CACNA1B: variants seen among roughly 807,000 people sequenced by gnomAD.
CACNA1B encodes the protein calcium voltage-gated channel subunit alpha1 B, also known as voltage-dependent N-type calcium channel subunit alpha-1B.
Under a neutral mutation model 247.2 loss-of-function variants are expected in CACNA1B, and 70 were observed. The ratio of observed to expected loss-of-function variants is 0.28; its 90% CI spans 0.23 to 0.35. The LOEUF (loss-of-function observed/expected upper bound fraction) is 0.35. Ranked by LOEUF, CACNA1B falls within the 10% of genes least tolerant of loss-of-function variation. CACNA1B has a pLI of 1.00. For missense variants in CACNA1B, 2,367 were observed against 3,197.4 expected (o/e 0.74, Z 6.26); for synonymous variants, 1,231 against 1,294.4 (o/e 0.95, Z 1.05).
chr9:137,894,302 ATTTTTTTTTT>A lies in CACNA1B; in HGVS notation c.530+11432_530+11441del, dbSNP rs56794355. Reference sequence around the variant, plus strand: ...TCGCCGGCACGGGGGTTGTCTCTGTATTTTTTTTTTTTTTTTTTTTTTGATTCTGATAGAT... The same window carrying A: ...TCGCCGGCACGGGGGTTGTCTCTGTATTTTTTTTTTTTGATTCTGATAGAT... On this transcript the variant is annotated intron_variant, in intron 3 of 46. Coordinates refer to ENST00000371372, the MANE Select transcript of CACNA1B (RefSeq NM_000718.4). 5.0e-3 allele frequency among the ~76,000 whole-genome samples: 484 copies of A among 96,082 alleles called. 2 individuals are homozygous for A. Among genetic ancestry groups the A allele is most frequent in the Middle Eastern group, 0.049 (7 of 144 alleles). The allele number at this position is 96,082 out of a possible 152,430, so 63.0% of individuals were successfully genotyped here.
At position 138,073,517 on chromosome 9, in the gene CACNA1B, C is replaced by T; in HGVS notation, c.4704C>T (p.Arg1568=). Reference sequence around the variant, plus strand: ...ATTTCATCAACCTCAGCTTCCTCCGCCTCTTTCGAGCTGCGCGGCTGATCA... The same window carrying T: ...ATTTCATCAACCTCAGCTTCCTCCGTCTCTTTCGAGCTGCGCGGCTGATCA... ...TNNFINLSFL[R]LFRAARLIKL... is the part of the protein sequence containing the mutation. The change falls in exon 33 of 47, where the codon CGC becomes CGT. Residue 1568 remains arginine, a synonymous_variant. Transcript: ENST00000371372. This position sits in a 1 kb window ranked among gnomAD's most constrained non-coding sequence, Gnocchi z 6.4. The T allele has an allele frequency of 6.2e-7, 1 of 1,612,972 alleles. No homozygotes were observed. The highest frequency in any genetic ancestry group is 1.7e-4 in the Middle Eastern group (1 of 6,058).
chr9:138,000,359 A>C (rs974709157), intron 15 of CACNA1B, among the ~76,000 whole-genome samples: 1 of 152,170 alleles, frequency 6.6e-6, no homozygotes, highest in African/African-American at 2.4e-5. Context: ...TGGCCTCCCA[A>C]AGTGCTGGGA....
chr9:138,086,294 T>A (rs915155194), intron 36 of CACNA1B, among the ~76,000 whole-genome samples: 1 of 151,164 alleles, frequency 6.6e-6, no homozygotes, highest in East Asian at 2.0e-4. Flanking sequence ...AAAAACATAC[T>A]CCACGTAAAC....
chr9:137,903,450 G>A lies in CACNA1B; in HGVS notation c.531-9730G>A, dbSNP rs372621821. Among the ~76,000 whole-genome samples, 6 of 152,298 alleles carry A rather than the reference G, an allele frequency of 3.9e-5. No homozygotes were observed. The East Asian group carries it at 1.2e-3, about 29-fold the overall frequency. On this transcript the variant is annotated intron_variant, in intron 3 of 46. Transcript: ENST00000371372. ...GCTCTGCTTCGACTCATACGCATCA[G>A]TGGTCTCTCTCTGTCCGTGCCTGTG...
intron 18 of CACNA1B, 142 bp downstream of exon 18, chr9:138,013,377 G>A: frequency 1.7e-6 from 1 of 604,198 alleles, no homozygotes; most frequent in Non-Finnish European, 2.9e-6. Flanking sequence ...CCCCTCCTCG[G>A]AACTGGGATG....
chr9:138,104,767 T>C (rs1329273246), intron 38 of CACNA1B, among the ~76,000 whole-genome samples: 2 of 152,214 alleles, frequency 1.3e-5, no homozygotes, highest in African/African-American at 2.4e-5. Context: ...TGGACAGTGC[T>C]CCTGGGGCTC....
At chr9:138,075,714 C>T (rs930092683) in intron 34 of CACNA1B, 105 bp from the exon 35 acceptor site, 45 of 707,648 alleles carry the variant, frequency 6.4e-5, no homozygotes, top group Non-Finnish European at 1.1e-4. Context: ...TCGCCCATCT[C>T]ACGTGGGGTC....
At chr9:137,996,672 A>G (rs1219031249) in intron 15 of CACNA1B, among the ~76,000 whole-genome samples, 1 of 152,212 alleles carries the variant, frequency 6.6e-6, no homozygotes, top group African/African-American at 2.4e-5. Context: ...ATTTTAAAAA[A>G]TTTAATAATT....
rs1339207430 is a variant in CACNA1B, at chr9:138,073,180, C to G, written c.4675-308C>G. ...GGTGATCTCCCAGCTCACCTGGCAGCAGAGAGATGCCTGGGAGAACTTTTC... is the reference window on the plus strand; with the variant it reads ...GGTGATCTCCCAGCTCACCTGGCAGGAGAGAGATGCCTGGGAGAACTTTTC... On this transcript the variant is annotated intron_variant, in intron 32 of 46. Coordinates refer to ENST00000371372, the MANE Select transcript of CACNA1B (RefSeq NM_000718.4). The surrounding 1 kb of genome is among the most constrained non-coding windows in gnomAD (Gnocchi z 6.4). 1.3e-5 allele frequency among the ~76,000 whole-genome samples: 2 copies of G among 152,186 alleles called. No homozygotes were observed. The highest frequency in any genetic ancestry group is 2.9e-5 in the Non-Finnish European group (2 of 68,034).
In CACNA1B at chr9:138,100,619, C is replaced by T. The variant is rs558340824; in HGVS notation, c.5223-2092C>T. The stretch of plus-strand genomic sequence containing the variant: ...GTGGTGATCCAAGGATGCCAGCCTA[C>T]GATGAGAGGAGGTCCTTAGCTGGAC... On this transcript the variant is annotated intron_variant, in intron 37 of 46. Transcript: ENST00000371372. This position sits in a 1 kb window ranked among gnomAD's most constrained non-coding sequence, Gnocchi z 4.6. 1.3e-5 allele frequency among the ~76,000 whole-genome samples: 2 copies of T among 152,016 alleles called. No individual in the cohort carries two copies. The highest frequency in any genetic ancestry group is 4.2e-4 in the South Asian group (2 of 4,814).
At chr9:138,040,261 T>C (rs1030794109) in intron 20 of CACNA1B, among the ~76,000 whole-genome samples, 84 of 152,272 alleles carry the variant, frequency 5.5e-4, no homozygotes, top group Non-Finnish European at 1.0e-3. Flanking sequence ...TTTATGTATC[T>C]CATCTAAGAA....
intron 3 of CACNA1B, among the ~76,000 whole-genome samples, chr9:137,908,502 T>A (rs929229448): frequency 6.6e-6 from 1 of 151,686 alleles, no homozygotes. Flanking sequence ...GGCGACAGAG[T>A]GAGACTCCGT....
intron 6 of CACNA1B, among the ~76,000 whole-genome samples, chr9:137,943,621 A>G (rs1333768958): frequency 6.6e-6 from 1 of 152,134 alleles, no homozygotes; most frequent in Non-Finnish European, 1.5e-5. Flanking sequence ...AAAGATAAAG[A>G]CAAAGAGTAT....
rs550104836 is a variant in CACNA1B at position 138,113,160 on chromosome 9, TC to T, written c.5536+656del. ...GAGCACGGGGAGGTGCCCAACTCCATCTTATGGGAACGTGAGGGAGCGCGGG... is the reference window on the plus strand; with the variant it reads ...GAGCACGGGGAGGTGCCCAACTCCATTTATGGGAACGTGAGGGAGCGCGGG... On this transcript the variant is annotated intron_variant, in intron 40 of 46. Transcript: ENST00000371372. 2.0e-4 allele frequency among the ~76,000 whole-genome samples: 25 copies of T among 125,670 alleles called. No individual in the cohort carries two copies. In the South Asian group the frequency reaches 6.3e-3, roughly 32 times the overall value. 82.4% of individuals were successfully genotyped at this position (125,670 alleles called of 152,430 possible).
At chr9:138,042,752 G>A (rs1009936188) in intron 20 of CACNA1B, among the ~76,000 whole-genome samples, 3 of 152,262 alleles carry the variant, frequency 2.0e-5, no homozygotes, top group East Asian at 3.9e-4. Context: ...TGTGGCCTTC[G>A]CTGTTTTCAT....
intron 20 of CACNA1B, among the ~76,000 whole-genome samples, chr9:138,036,193 G>A (rs1048813518): frequency 3.3e-5 from 5 of 151,902 alleles, no homozygotes; most frequent in African/African-American, 1.2e-4. Flanking sequence ...AGGCTGGAGT[G>A]CAGTGGCGCA....
intron 6 of CACNA1B, among the ~76,000 whole-genome samples, chr9:137,941,358 T>C (rs1157582626): frequency 6.6e-6 from 1 of 152,054 alleles, no homozygotes; most frequent in East Asian, 1.9e-4. Flanking sequence ...CCAAAAAACT[T>C]AGGAATATAC....
At chr9:137,953,208 C>T (rs1957899435) in intron 7 of CACNA1B, among the ~76,000 whole-genome samples, 1 of 152,222 alleles carries the variant, frequency 6.6e-6, no homozygotes, top group Non-Finnish European at 1.5e-5. Context: ...CCTGCCCTAC[C>T]ACAGGGCAAG....
chr9:138,101,567 C>T (rs1418882496), intron 37 of CACNA1B, among the ~76,000 whole-genome samples: 1 of 152,254 alleles, frequency 6.6e-6, no homozygotes, highest in African/African-American at 2.4e-5. Context: ...AGGAAGGGAG[C>T]ACGGGCACAG....
Sources: gnomAD v4.1 joint callset for allele counts (sites outside exome capture counted in the v4.1 genomes callset) on GRCh38, gnomAD v4.1.1 for gene constraint, Gnocchi (gnomAD v3.1) non-coding constraint, MANE v1.5 for transcripts, NCBI Gene and HGNC (gene_info 2026-07-23, HGNC 2026-07-21) for gene names.